The following NR1H4 variants were observed in gnomAD, a reference collection of about 807,000 sequenced individuals.
NR1H4 encodes the protein bile acid receptor.
In NR1H4, 23 loss-of-function variants were observed where a neutral mutation model predicts 58.5. The observed-to-expected ratio is 0.39, with a 90% CI of 0.28 to 0.56. The LOEUF (loss-of-function observed/expected upper bound fraction) is 0.56, where lower values mean the gene tolerates loss of function less well. NR1H4 is among the 20% of genes least tolerant of loss of function. The pLI is 0.58. For missense variants in NR1H4, 487 were observed against 576.9 expected (o/e 0.84, Z 1.60); for synonymous variants, 214 against 198.0 (o/e 1.08, Z -0.68).
At chr12:100,505,981 T>G in intron 3 of NR1H4, among the ~76,000 whole-genome samples, 1 of 148,634 alleles carries the variant, frequency 6.7e-6, no homozygotes, top group East Asian at 2.0e-4. Flanking sequence ...ACACAGTGAC[T>G]GCTAAATAGC....
In NR1H4 at chr12:100,492,264, AAG is replaced by A. The variant is rs1400380646; in HGVS notation, c.-189-233_-189-232del. On this transcript the variant is annotated intron_variant, in intron 1 of 10. Coordinates refer to ENST00000392986, the MANE Select transcript of NR1H4 (RefSeq NM_001206979.2). ...TAGGACATTTGGTGAGTGAGAGAGA[AAG>A]AGAGATACGAATAATGGGGAAATCC... 2.5e-3 allele frequency among the ~76,000 whole-genome samples: 386 copies of A among 152,276 alleles called. 3 individuals carry two copies. Among genetic ancestry groups the A allele is most frequent in the African/African-American group, 8.7e-3 (362 of 41,552 alleles).
Position 100,563,491 on chromosome 12 carries a change from G to A in NR1H4, c.*2G>A. On this transcript the variant is annotated 3_prime_UTR_variant, in exon 11 of 11. Coordinates refer to ENST00000392986, the MANE Select transcript of NR1H4 (RefSeq NM_001206979.2). ...TGTGAAATCTGGGACGTGCAGTGATGGGGATTACAGGGGAGGGGTCTAGCT... is the reference window on the plus strand; with the variant it reads ...TGTGAAATCTGGGACGTGCAGTGATAGGGATTACAGGGGAGGGGTCTAGCT... 1 of 1,603,256 alleles carries A rather than the reference G, an allele frequency of 6.2e-7. No homozygotes were observed. The highest frequency in any genetic ancestry group is 8.5e-7 in the Non-Finnish European group (1 of 1,170,100).
intron 2 of NR1H4, 68 bp downstream of exon 2, chr12:100,492,705 A>G (rs1953631132): frequency 6.5e-6 from 1 of 152,862 alleles, no homozygotes; most frequent in Non-Finnish European, 1.5e-5. Flanking sequence ...TACATGACCA[A>G]GGTAGATCAT....
chr12:100,536,734 T>C, intron 7 of NR1H4, 124 bp downstream of exon 7: 1 of 706,678 alleles, frequency 1.4e-6, no homozygotes, highest in Non-Finnish European at 2.4e-6. Context: ...AGAATTCAAG[T>C]TAGACTTTTA....
At position 100,526,566 on chromosome 12, in the gene NR1H4, C is replaced by T. The variant is rs76680902; in HGVS notation, c.446-5892C>T. Among the ~76,000 whole-genome samples, 1,971 of 152,286 alleles carry T rather than the reference C, an allele frequency of 0.013. 116 individuals carry two copies. The East Asian group carries it at 0.15, about 11-fold the overall frequency. ...CATCTGGTCTATGTTTGAGAATACT[C>T]CTTCCTCCAGGATCGTGCGCAAACC... On this transcript the variant is annotated intron_variant, in intron 4 of 10. Coordinates refer to ENST00000392986, the MANE Select transcript of NR1H4 (RefSeq NM_001206979.2).
intron 9 of NR1H4, among the ~76,000 whole-genome samples, chr12:100,561,195 G>C (rs1955463475): frequency 6.6e-6 from 1 of 152,092 alleles, no homozygotes; most frequent in Admixed American, 6.5e-5. Context: ...AGGAGATCAA[G>C]ACCATCCTGG....
chr12:100,481,051 G>A (rs540134858), intron 1 of NR1H4, among the ~76,000 whole-genome samples: 1 of 152,152 alleles, frequency 6.6e-6, no homozygotes, highest in Non-Finnish European at 1.5e-5. Context: ...TGGCTTAGAA[G>A]TCCCCAACCT....
intron 9 of NR1H4, among the ~76,000 whole-genome samples, chr12:100,549,218 G>T (rs1955150463): frequency 6.6e-6 from 1 of 152,086 alleles, no homozygotes; most frequent in Non-Finnish European, 1.5e-5. Context: ...TGTGCCGGTA[G>T]TCCCAGCTAC....
chr12:100,516,785 C>T (rs1954278320), intron 4 of NR1H4, among the ~76,000 whole-genome samples: 1 of 152,112 alleles, frequency 6.6e-6, no homozygotes, highest in African/African-American at 2.4e-5. Context: ...ATATCATTTC[C>T]AAAACAAGCT....
At chr12:100,482,214 G>C (rs111913106) in intron 1 of NR1H4, among the ~76,000 whole-genome samples, 2 of 152,198 alleles carry the variant, frequency 1.3e-5, no homozygotes, top group African/African-American at 4.8e-5. Context: ...CTATGCTTAA[G>C]AGATTTCCAA....
chr12:100,502,489 C>A (rs58327260), intron 3 of NR1H4, among the ~76,000 whole-genome samples: 11,287 of 152,174 alleles, frequency 0.074, 823 homozygotes, highest in African/African-American at 0.18. Flanking sequence ...CTCTGTGTTT[C>A]TGTCTCTGTA....
intron 1 of NR1H4, among the ~76,000 whole-genome samples, chr12:100,485,873 T>G (rs1036649339): frequency 2.6e-4 from 40 of 152,310 alleles, no homozygotes; most frequent in African/African-American, 8.4e-4. Context: ...GTTCAGATTA[T>G]AATTATTTTA....
rs1954828797 is a variant in NR1H4 at position 100,537,002 on chromosome 12, A to G, written c.886A>G (p.Thr296Ala). Residue 296 changes from threonine (T) to alanine (A), a missense_variant, in exon 8 of 11, where the codon ACC becomes GCC. Transcript: ENST00000392986. ...TTTTCTCATTTTGACGGAAATGGCA[A>G]CCAATCATGTACAGGTTCTTGTAGA... Reference protein sequence around the residue: ...ENFLILTEMATNHVQVLVEFT... With the variant: ...ENFLILTEMAANHVQVLVEFT... 6.2e-7 allele frequency: 1 copy of G among 1,604,900 alleles called. No homozygotes were observed. The highest frequency in any genetic ancestry group is 1.3e-5 in the African/African-American group (1 of 74,802).
Position 100,537,141 on chromosome 12 carries a change from T to G in NR1H4, c.931+94T>G, listed in dbSNP as rs1475970456. 7.4e-6 allele frequency: 6 copies of G among 813,698 alleles called. No individual in the cohort carries two copies. In the East Asian group the frequency reaches 1.5e-4, roughly 20 times the overall value. The allele number at this position is 813,698 out of a possible 1,614,324, so 50.4% of individuals were successfully genotyped here. On this transcript the variant is annotated intron_variant, in intron 8 of 10. Coordinates refer to ENST00000392986, the MANE Select transcript of NR1H4 (RefSeq NM_001206979.2). ...TATTTTACATACGGTGTTTTAATTTTCAAAACATTCCTGTGAGATCAGCTC... is the reference window on the plus strand; with the variant it reads ...TATTTTACATACGGTGTTTTAATTTGCAAAACATTCCTGTGAGATCAGCTC...
intron 3 of NR1H4, among the ~76,000 whole-genome samples, chr12:100,502,176 C>T (rs1325618661): frequency 6.6e-6 from 1 of 152,158 alleles, no homozygotes; most frequent in African/African-American, 2.4e-5. Flanking sequence ...CCCCATTTTA[C>T]AACCAAGGAA....
chr12:100,524,018 A>G (rs942749382), intron 4 of NR1H4, among the ~76,000 whole-genome samples: 1 of 152,242 alleles, frequency 6.6e-6, no homozygotes, highest in Non-Finnish European at 1.5e-5. Context: ...AGAAAAATGC[A>G]ATGGTAATAA....
chr12:100,541,600 C>T (rs1189622124), intron 9 of NR1H4, among the ~76,000 whole-genome samples: 9 of 144,060 alleles, frequency 6.2e-5, no homozygotes, highest in South Asian at 2.1e-4. Context: ...CTTTTTTTTT[C>T]TTTTCTTTTT....
intron 1 of NR1H4, among the ~76,000 whole-genome samples, chr12:100,477,379 T>C (rs1348273190): frequency 6.6e-6 from 1 of 152,054 alleles, no homozygotes; most frequent in Non-Finnish European, 1.5e-5. Flanking sequence ...TTATTAATTT[T>C]CATTTTTTAA....
At chr12:100,558,970 T>C (rs1205771296) in intron 9 of NR1H4, among the ~76,000 whole-genome samples, 2 of 152,236 alleles carry the variant, frequency 1.3e-5, no homozygotes, top group Non-Finnish European at 2.9e-5. Flanking sequence ...AAATGAATTA[T>C]GGTATATTAA....
Sources: gnomAD v4.1 joint callset for allele counts (sites outside exome capture counted in the v4.1 genomes callset) on GRCh38, gnomAD v4.1.1 for gene constraint, MANE v1.5 for transcripts, NCBI Gene and HGNC (gene_info 2026-07-23, HGNC 2026-07-21) for gene names.